The following CCDC38 variants were observed in gnomAD, a reference collection of about 807,000 sequenced individuals.
CCDC38 encodes coiled-coil domain-containing protein 38.
CCDC38 carries 69 observed loss-of-function variants against 72.8 expected under a neutral mutation model. The observed-to-expected ratio is 0.95, with a 90% CI of 0.78 to 1.16. The LOEUF is 1.16. Among genes scored for constraint, CCDC38 ranks in the 50% most tolerant of loss-of-function variants. The pLI is 0.00. For synonymous variants in CCDC38, 201 were observed against 213.2 expected (o/e 0.94, Z 0.50); for missense variants, 626 against 638.9 (o/e 0.98, Z 0.22).
intron 8 of CCDC38, among the ~76,000 whole-genome samples, chr12:95,892,583 CTT>C (rs577335624): frequency 0.11 from 13,374 of 120,898 alleles, 1,023 homozygotes; most frequent in African/African-American, 0.26. Context: ...GGCTTAAATT[CTT>C]TTTTTTTTTT....
intron 10 of CCDC38, among the ~76,000 whole-genome samples, chr12:95,881,931 T>C (rs2079705117): frequency 6.6e-6 from 1 of 152,256 alleles, no homozygotes; most frequent in Non-Finnish European, 1.5e-5. Flanking sequence ...AATCTGAATG[T>C]GCTCTACTTC....
chr12:95,940,438 GT>G (rs112300269), intron 1 of CCDC38, among the ~76,000 whole-genome samples: 7,798 of 152,104 alleles, frequency 0.051, 669 homozygotes, highest in African/African-American at 0.18. Flanking sequence ...CAGTTTATTT[GT>G]TTTTTTGCAA....
chr12:95,902,027 CAA>C (rs2079955552), intron 5 of CCDC38, among the ~76,000 whole-genome samples: 1 of 152,012 alleles, frequency 6.6e-6, no homozygotes. Context: ...AAAACTATTA[CAA>C]GTTACCCAGA....
chr12:95,939,829 G>A (rs2080430442), intron 1 of CCDC38, among the ~76,000 whole-genome samples: 1 of 152,176 alleles, frequency 6.6e-6, no homozygotes, highest in Admixed American at 6.5e-5. Context: ...CTCTGAGTCA[G>A]GTCTCTTGAC....
intron 14 of CCDC38, among the ~76,000 whole-genome samples, chr12:95,870,308 T>TTAGGGTTGTTTTGAGGGAAAAATTAAG: frequency 1.3e-5 from 2 of 152,252 alleles, no homozygotes; most frequent in South Asian, 4.1e-4. Context: ...CATACTCTCT[T>TTAGGGTTGTTTTGAGGGAAAAATTAAG]TAGGGTTGTT....
chr12:95,903,436 T>G lies in CCDC38; in HGVS notation c.369+2951A>C, dbSNP rs990461387. The G allele has an allele frequency of 5.7e-6, 4 of 699,770 alleles. No individual in the cohort carries two copies. The African/African-American group carries it at 7.0e-5, about 12-fold the overall frequency. The allele number at this position is 699,770 out of a possible 1,614,324, so 43.3% of individuals were successfully genotyped here. A position where few individuals can be genotyped will look rare whatever the true frequency, so the allele number is the denominator to read the frequency against. Reference sequence around the variant, plus strand: ...CCTCCAGAACACTGACAAAAAGAAGTGGTGCAGTGGAAATCCTTGCCTTGT... The same window carrying G: ...CCTCCAGAACACTGACAAAAAGAAGGGGTGCAGTGGAAATCCTTGCCTTGT... On this transcript the variant is annotated intron_variant, in intron 5 of 15. Transcript: ENST00000344280.
In CCDC38 at chr12:95,918,957, T is replaced by G. The variant is rs2080174740; in HGVS notation, c.57A>C (p.Ser19=). ...TCTTATAAGGCCTGTCCTCTTTGGT[T>G]GAGCCATCTTTTACTTTACCTGTTA... ...LNSGGKVKDG[S]TKEDRPYKIF... is the part of the protein sequence containing the mutation. Residue 19 remains serine, a synonymous_variant, in exon 3 of 16, where the codon TCA becomes TCC. Transcript: ENST00000344280. 1.2e-6 allele frequency: 2 copies of G among 1,608,174 alleles called. No homozygotes were observed. Among genetic ancestry groups the G allele is most frequent in the Non-Finnish European group, 1.7e-6 (2 of 1,175,054 alleles).
rs2079818747 is a variant in CCDC38, at chr12:95,890,911, A to G, written c.792T>C (p.Ser264=). ...ACTCCTCAAGGATGCCTTCCTTGTT[A>G]CTTGAATGTAATGATAATTCTAGAA... ...KILAKLSLHS[S]NKEGILEESG... is the part of the protein sequence containing the mutation. The change falls in exon 9 of 16, where the codon AGT becomes AGC. Residue 264 remains serine, a synonymous_variant. Coordinates refer to ENST00000344280, the MANE Select transcript of CCDC38 (RefSeq NM_182496.3). The G allele has an allele frequency of 6.3e-7, 1 of 1,593,224 alleles. No homozygotes were observed. The highest frequency in any genetic ancestry group is 8.6e-7 in the Non-Finnish European group (1 of 1,164,730).
chr12:95,871,772 T>G (rs190327677), intron 14 of CCDC38, among the ~76,000 whole-genome samples: 2 of 152,130 alleles, frequency 1.3e-5, no homozygotes, highest in Non-Finnish European at 2.9e-5. Context: ...CATTAGGAAT[T>G]TGGAGCCCTT....
At chr12:95,902,113 T>C (rs189238588) in intron 5 of CCDC38, among the ~76,000 whole-genome samples, 1 of 152,252 alleles carries the variant, frequency 6.6e-6, no homozygotes, top group African/African-American at 2.4e-5. Context: ...TAATAGGATG[T>C]TTGTATGTTG....
chr12:95,919,042 G>A, intron 2 of CCDC38, 66 bp from the exon 3 acceptor site: 1 of 993,948 alleles, frequency 1.0e-6, no homozygotes, highest in Non-Finnish European at 1.6e-6. Context: ...AGAATAGTAA[G>A]TCTCCCACCA....
chr12:95,923,388 G>C (rs189914646), intron 2 of CCDC38, among the ~76,000 whole-genome samples: 19 of 152,158 alleles, frequency 1.2e-4, no homozygotes, highest in African/African-American at 4.1e-4. Context: ...CCAGGCCAGG[G>C]CTGGACCCCA....
intron 9 of CCDC38, 31 bp from the exon 10 acceptor site, chr12:95,888,537 G>A (rs748936401): frequency 1.7e-5 from 28 of 1,606,730 alleles, no homozygotes; most frequent in South Asian, 3.3e-5. Context: ...AGGCCATGCC[G>A]TTGGTGATGG....
intron 4 of CCDC38, among the ~76,000 whole-genome samples, chr12:95,911,111 A>G (rs1256462465): frequency 1.3e-5 from 2 of 152,230 alleles, no homozygotes; most frequent in Non-Finnish European, 2.9e-5. Flanking sequence ...GATTGTCAAC[A>G]AAGATGACAA....
intron 5 of CCDC38, among the ~76,000 whole-genome samples, chr12:95,900,885 G>C (rs2079943371): frequency 6.6e-6 from 1 of 152,180 alleles, no homozygotes; most frequent in Non-Finnish European, 1.5e-5. Context: ...TTCAGTGTTT[G>C]GGATTATGGC....
chr12:95,888,031 G>A (rs544968787), intron 10 of CCDC38, among the ~76,000 whole-genome samples: 4 of 152,192 alleles, frequency 2.6e-5, no homozygotes, highest in South Asian at 2.1e-4. Flanking sequence ...GGGTAGTAAG[G>A]GTTGAGAACG....
chr12:95,900,891 A>C (rs1303954966), intron 5 of CCDC38, among the ~76,000 whole-genome samples: 1 of 152,218 alleles, frequency 6.6e-6, no homozygotes, highest in Non-Finnish European at 1.5e-5. Flanking sequence ...GTTTGGGATT[A>C]TGGCATTTTG....
chr12:95,942,574 G>A lies in CCDC38; in HGVS notation c.-158C>T, dbSNP rs2080465162. ...TTCCCGGTCATCTCAGGGACCGTCT[G>A]GTAGCTGATCCCGGAACGCAGCTGG... On this transcript the variant is annotated 5_prime_UTR_variant, in exon 1 of 16. Transcript: ENST00000344280. 6.6e-6 allele frequency: 1 copy of A among 152,322 alleles called. No homozygotes were observed. Among genetic ancestry groups the A allele is most frequent in the South Asian group, 2.1e-4 (1 of 4,836 alleles). The allele number at this position is 152,322 out of a possible 1,614,324, so 9.4% of individuals were successfully genotyped here.
intron 8 of CCDC38, 125 bp downstream of exon 8, chr12:95,894,864 G>T: frequency 1.3e-6 from 1 of 779,704 alleles, no homozygotes; most frequent in Non-Finnish European, 2.0e-6. Context: ...TACAATAACA[G>T]AGATAGTGAA....
Sources: allele counts gnomAD v4.1 joint callset (sites outside exome capture counted in the v4.1 genomes callset), GRCh38; gene constraint gnomAD v4.1.1; transcripts MANE v1.5; gene names NCBI Gene and HGNC (gene_info 2026-07-23, HGNC 2026-07-21).